Variants in LMNTD1 observed in about 807,000 individuals in gnomAD.
LMNTD1 encodes the protein lamin tail domain-containing protein 1.
In LMNTD1, 35 loss-of-function variants were observed where a neutral mutation model predicts 50.9. The ratio of observed to expected loss-of-function variants is 0.69; its 90% CI spans 0.53 to 0.91. The LOEUF is 0.91. LMNTD1 is among the 40% of genes least tolerant of loss of function. The pLI, the probability that LMNTD1 is intolerant of heterozygous loss-of-function variation, is 0.00. For missense variants in LMNTD1, 470 were observed against 475.5 expected (o/e 0.99, Z 0.11); for synonymous variants, 153 against 161.9 (o/e 0.94, Z 0.42).
intron 1 of LMNTD1, among the ~76,000 whole-genome samples, chr12:25,609,614 C>A (rs547944945): frequency 1.3e-5 from 2 of 152,272 alleles, no homozygotes; most frequent in African/African-American, 4.8e-5. Flanking sequence ...TGCTGAAGCT[C>A]CACTCCAGAC....
At chr12:25,527,671 T>TAC (rs1455008005) in intron 4 of LMNTD1, among the ~76,000 whole-genome samples, 28 of 22,020 alleles carry the variant, frequency 1.3e-3, no homozygotes, top group Non-Finnish European at 2.8e-3. Context: ...TATATATATA[T>TAC]ATATATATAT....
chr12:25,631,135 G>A (rs1474576611), intron 1 of LMNTD1, among the ~76,000 whole-genome samples: 1 of 152,076 alleles, frequency 6.6e-6, no homozygotes, highest in Non-Finnish European at 1.5e-5. Context: ...ATCCCCCACA[G>A]CAAGACCCAT....
intron 9 of LMNTD1, among the ~76,000 whole-genome samples, chr12:25,482,191 T>C (rs1329914985): frequency 6.6e-6 from 1 of 152,034 alleles, no homozygotes; most frequent in Admixed American, 6.5e-5. Flanking sequence ...TTGAAAGTTA[T>C]GAGGTAAAGT....
intron 1 of LMNTD1, among the ~76,000 whole-genome samples, chr12:25,577,530 T>C (rs1945082514): frequency 6.6e-6 from 1 of 152,178 alleles, no homozygotes; most frequent in Non-Finnish European, 1.5e-5. Flanking sequence ...TGCACATTGA[T>C]TTTGTACCCT....
In LMNTD1 at chr12:25,527,679, TATACACACACACACACACACACACAC is replaced by T. The variant is rs1941890006; in HGVS notation, c.492-750_492-725del. Reference sequence around the variant, plus strand: ...ATATATATATATATATATATATATATATACACACACACACACACACACACACACACACACACACACATATACACACA... The same window carrying T: ...ATATATATATATATATATATATATATACACACACACACACATATACACACA... On this transcript the variant is annotated intron_variant, in intron 4 of 9. Transcript: ENST00000458174. 2.6e-4 allele frequency among the ~76,000 whole-genome samples: 5 copies of T among 19,262 alleles called. No individual in the cohort carries two copies. In the Admixed American group the frequency reaches 2.9e-3, roughly 11 times the overall value. 12.6% of individuals were successfully genotyped at this position (19,262 alleles called of 152,430 possible).
chr12:25,631,169 A>G (rs1044145405), intron 1 of LMNTD1, among the ~76,000 whole-genome samples: 2 of 151,918 alleles, frequency 1.3e-5, no homozygotes, highest in Admixed American at 1.3e-4. Context: ...GAGCTCAGAC[A>G]TGCCTAGCCC....
intron 1 of LMNTD1, among the ~76,000 whole-genome samples, chr12:25,611,574 T>C (rs529346572): frequency 6.6e-6 from 1 of 152,340 alleles, no homozygotes; most frequent in Non-Finnish European, 1.5e-5. Flanking sequence ...CACTATTCCA[T>C]TTGAGAACAT....
At chr12:25,611,217 G>T (rs77089666) in intron 1 of LMNTD1, among the ~76,000 whole-genome samples, 3,482 of 152,236 alleles carry the variant, frequency 0.023, 109 homozygotes, top group African/African-American at 0.072. Context: ...AATTTTAATG[G>T]CGTACTGGAG....
At chr12:25,646,730 A>G (rs887099982) in intron 1 of LMNTD1, among the ~76,000 whole-genome samples, 5 of 152,248 alleles carry the variant, frequency 3.3e-5, no homozygotes. Flanking sequence ...TAACAGTAGT[A>G]AGCTGCCAGT....
chr12:25,488,092 A>G (rs1378021657), intron 9 of LMNTD1, among the ~76,000 whole-genome samples: 2 of 147,922 alleles, frequency 1.4e-5, no homozygotes, highest in Non-Finnish European at 3.0e-5. Context: ...AACTTTGGTG[A>G]ATCTGACAAT....
chr12:25,519,209 C>T (rs564789046), intron 7 of LMNTD1, among the ~76,000 whole-genome samples: 6 of 152,322 alleles, frequency 3.9e-5, no homozygotes, highest in African/African-American at 1.4e-4. Context: ...TGCACCTCTC[C>T]CTCCACCTAA....
At chr12:25,494,661 A>G (rs1939000282) in intron 9 of LMNTD1, among the ~76,000 whole-genome samples, 1 of 152,178 alleles carries the variant, frequency 6.6e-6, no homozygotes, top group Non-Finnish European at 1.5e-5. Context: ...TCTAAGCACA[A>G]AGTCACATTA....
intron 1 of LMNTD1, among the ~76,000 whole-genome samples, chr12:25,598,325 T>C (rs1307901115): frequency 6.6e-6 from 1 of 151,970 alleles, no homozygotes; most frequent in East Asian, 1.9e-4. Context: ...TGGAAACACA[T>C]ATACCAAAAC....
chr12:25,595,378 C>G (rs1945821122), intron 1 of LMNTD1, among the ~76,000 whole-genome samples: 1 of 152,052 alleles, frequency 6.6e-6, no homozygotes. Flanking sequence ...ATATCAAGCA[C>G]TCTCTCAGAC....
chr12:25,536,335 CT>C (rs1218958483), intron 4 of LMNTD1, among the ~76,000 whole-genome samples: 1 of 152,042 alleles, frequency 6.6e-6, no homozygotes, highest in Non-Finnish European at 1.5e-5. Context: ...TAAAAGAAGT[CT>C]CAGTCAATAT....
At chr12:25,616,037 C>CT (rs1946346200) in intron 1 of LMNTD1, among the ~76,000 whole-genome samples, 1 of 151,870 alleles carries the variant, frequency 6.6e-6, no homozygotes, top group African/African-American at 2.4e-5. Flanking sequence ...CTCATGAAGT[C>CT]TACTTCTAGT....
rs567735136 is a variant in LMNTD1 at position 25,493,673 on chromosome 12, A to G, written c.*22+10065T>C. On this transcript the variant is annotated intron_variant, in intron 9 of 9. Coordinates refer to ENST00000458174, the MANE Select transcript of LMNTD1 (RefSeq NM_001145728.2). ...CCGTTCCCAATGCATTTAGAAAGGCAAGATCAAGTTGAAAAGTAGTAATTG... is the reference window on the plus strand; with the variant it reads ...CCGTTCCCAATGCATTTAGAAAGGCGAGATCAAGTTGAAAAGTAGTAATTG... 2.0e-5 allele frequency among the ~76,000 whole-genome samples: 3 copies of G among 152,344 alleles called. No homozygotes were observed. The East Asian group carries it at 5.8e-4, about 29-fold the overall frequency.
intron 1 of LMNTD1, among the ~76,000 whole-genome samples, chr12:25,599,125 G>A (rs1312038816): frequency 6.6e-6 from 1 of 151,822 alleles, no homozygotes; most frequent in African/African-American, 2.4e-5. Context: ...ATAACCAAGT[G>A]GGATTTATCC....
At chr12:25,539,226 A>C (rs977549721) in intron 4 of LMNTD1, among the ~76,000 whole-genome samples, 3 of 148,132 alleles carry the variant, frequency 2.0e-5, no homozygotes, top group Non-Finnish European at 3.0e-5. Flanking sequence ...AAGCGGACCT[A>C]ATAGACATCT....
Sources: allele counts gnomAD v4.1 joint callset (sites outside exome capture counted in the v4.1 genomes callset), GRCh38; gene constraint gnomAD v4.1.1; transcripts MANE v1.5; gene names NCBI Gene and HGNC (gene_info 2026-07-23, HGNC 2026-07-21).